Variants in MGMT observed in about 807,000 individuals in gnomAD.
MGMT encodes the protein O-6-methylguanine-DNA methyltransferase.
MGMT carries 14 observed loss-of-function variants against 15.9 expected under a neutral mutation model. The observed-to-expected ratio is 0.88, with a 90% CI of 0.58 to 1.37. MGMT has a LOEUF of 1.37. Among genes scored for constraint, MGMT ranks in the 40% most tolerant of loss-of-function variants. The pLI, the probability that MGMT is intolerant of heterozygous loss-of-function variation, is 0.00. For missense variants in MGMT, 282 were observed against 268.1 expected, an observed-to-expected ratio of 1.05 and a Z score of -0.36; for synonymous variants, 130 against 118.2, an observed-to-expected ratio of 1.10 and a Z score of -0.65.
rs1847570580 is a variant in MGMT, at chr10:129,659,413, A to T, written c.126-48482A>T. ...GCTGTCTCTGCCTGGGTTGTTTTCTAAATGCGTTTGGCTGGAGATAGAACA... is the reference window on the plus strand; with the variant it reads ...GCTGTCTCTGCCTGGGTTGTTTTCTTAATGCGTTTGGCTGGAGATAGAACA... On this transcript the variant is annotated intron_variant, in intron 2 of 4. Transcript: ENST00000651593. This position sits in a 1 kb window ranked among gnomAD's most constrained non-coding sequence, Gnocchi z 4.1. Among the ~76,000 whole-genome samples the T allele has an allele frequency of 1.3e-5, 2 of 151,794 alleles. No homozygotes were observed. Among genetic ancestry groups the T allele is most frequent in the African/African-American group, 4.9e-5 (2 of 41,160 alleles).
chr10:129,535,047 G>GTCCCCC lies in MGMT; in HGVS notation c.-12-1193_-12-1192insCCCCCT, dbSNP rs1305146901. On this transcript the variant is annotated intron_variant, in intron 1 of 4. Coordinates refer to ENST00000651593, the MANE Select transcript of MGMT (RefSeq NM_002412.5). ...TTATTTACAAAGACAGGTGCAGTGA[G>GTCCCCC]TGAGCTTTGCCCCACAGGCTCTAAT... 5.3e-5 allele frequency among the ~76,000 whole-genome samples: 8 copies of GTCCCCC among 152,212 alleles called. 1 individual carries two copies. Among genetic ancestry groups the GTCCCCC allele is most frequent in the African/African-American group, 1.9e-4 (8 of 41,458 alleles).
intron 1 of MGMT, among the ~76,000 whole-genome samples, chr10:129,469,856 G>T (rs544469726): frequency 6.6e-6 from 1 of 152,026 alleles, no homozygotes; most frequent in African/African-American, 2.4e-5. Context: ...ACAGGTGTGC[G>T]CCACCATACC....
chr10:129,550,097 G>A (rs75955221), intron 2 of MGMT, among the ~76,000 whole-genome samples: 5,004 of 152,272 alleles, frequency 0.033, 132 homozygotes, highest in South Asian at 0.064. Context: ...ACTGTTTCTT[G>A]TGATAAAAAT....
intron 2 of MGMT, among the ~76,000 whole-genome samples, chr10:129,629,953 A>G (rs139286256): frequency 1.3e-5 from 2 of 152,358 alleles, no homozygotes; most frequent in East Asian, 1.9e-4. Flanking sequence ...TTCACAGAGA[A>G]GGTAAATAGC....
In MGMT at chr10:129,664,099, A is replaced by G. The variant is rs1252100574; in HGVS notation, c.126-43796A>G. ...TAGATTCCGACACCTCATTAGTAGT[A>G]TAATATACCTCAACAAATATAACCT... On this transcript the variant is annotated intron_variant, in intron 2 of 4. Transcript: ENST00000651593. Among the ~76,000 whole-genome samples, 3 of 152,202 alleles carry G rather than the reference A, an allele frequency of 2.0e-5. No homozygotes were observed. In the East Asian group the frequency reaches 5.8e-4, roughly 29 times the overall value.
At chr10:129,726,191 TAGA>T (rs1164583386) in intron 3 of MGMT, among the ~76,000 whole-genome samples, 2 of 152,114 alleles carry the variant, frequency 1.3e-5, no homozygotes, top group African/African-American at 2.4e-5. Flanking sequence ...AACTCAACTT[TAGA>T]CAGTGACTGA....
At chr10:129,656,709 TGA>T (rs1847528069) in intron 2 of MGMT, among the ~76,000 whole-genome samples, 2 of 152,008 alleles carry the variant, frequency 1.3e-5, no homozygotes, top group South Asian at 4.2e-4. Context: ...CACAGGTAGG[TGA>T]GAGTCAAGTG....
chr10:129,770,560 T>A lies in MGMT; in HGVS notation c.*3563T>A, dbSNP rs1758745221. Among the ~76,000 whole-genome samples, 1 of 152,220 alleles carries A rather than the reference T, an allele frequency of 6.6e-6. No homozygotes were observed. Among genetic ancestry groups the A allele is most frequent in the African/African-American group, 2.4e-5 (1 of 41,458 alleles). On this transcript the variant is annotated 3_prime_UTR_variant, in exon 5 of 5. Transcript: ENST00000651593. ...CATGGGCGGTGGCGCCAGCTCGGAC[T>A]TCACCCCGTTGGAGCGGGCAGGATG...
At chr10:129,714,355 T>C (rs1466597306) in intron 3 of MGMT, among the ~76,000 whole-genome samples, 1 of 152,272 alleles carries the variant, frequency 6.6e-6, no homozygotes, top group African/African-American at 2.4e-5. Context: ...TACCTAGCAA[T>C]TGTCATGAGT....
chr10:129,590,922 G>A (rs866238356), intron 2 of MGMT, among the ~76,000 whole-genome samples: 3 of 152,224 alleles, frequency 2.0e-5, no homozygotes, highest in Non-Finnish European at 2.9e-5. Context: ...AATTACCTTC[G>A]CAAATCTGAA....
At chr10:129,727,248 A>G (rs1848444753) in intron 3 of MGMT, among the ~76,000 whole-genome samples, 1 of 152,192 alleles carries the variant, frequency 6.6e-6, no homozygotes, top group African/African-American at 2.4e-5. Flanking sequence ...AGGTCATAAG[A>G]GGCCTTGCAG....
At chr10:129,587,683 G>A (rs545331053) in intron 2 of MGMT, among the ~76,000 whole-genome samples, 15 of 151,064 alleles carry the variant, frequency 9.9e-5, no homozygotes, top group African/African-American at 7.3e-5. Context: ...TGATCCACCC[G>A]CCTCGGCTTC....
rs144505119 is a variant in MGMT at position 129,716,316 on chromosome 10, A to G, written c.274+8273A>G. Among the ~76,000 whole-genome samples, 18 of 152,304 alleles carry G rather than the reference A, an allele frequency of 1.2e-4. No homozygotes were observed. The East Asian group carries it at 2.9e-3, about 24-fold the overall frequency. ...AAATATATACAGTGTAGCTGTTACT[A>G]TGACAACGACTTTTTTTTCTTGAGT... is the stretch of plus-strand genomic sequence containing the variant. On this transcript the variant is annotated intron_variant, in intron 3 of 4. Coordinates refer to ENST00000651593, the MANE Select transcript of MGMT (RefSeq NM_002412.5).
At chr10:129,518,798 G>A (rs1198156957) in intron 1 of MGMT, among the ~76,000 whole-genome samples, 2 of 151,390 alleles carry the variant, frequency 1.3e-5, no homozygotes, top group African/African-American at 4.9e-5. Flanking sequence ...TAGGGTATTA[G>A]CAGTTAAGTT....
At chr10:129,756,621 C>A (rs572026627) in intron 3 of MGMT, among the ~76,000 whole-genome samples, 1 of 152,200 alleles carries the variant, frequency 6.6e-6, no homozygotes, top group African/African-American at 2.4e-5. Context: ...AGACGAGCAC[C>A]ACCACGCCTG....
intron 2 of MGMT, among the ~76,000 whole-genome samples, chr10:129,654,141 T>C (rs1406523021): frequency 1.3e-5 from 2 of 152,102 alleles, no homozygotes; most frequent in Non-Finnish European, 2.9e-5. Flanking sequence ...GCAGCTGGAG[T>C]AGCTGTGCTG....
At chr10:129,497,282 G>T (rs1845531431) in intron 1 of MGMT, among the ~76,000 whole-genome samples, 1 of 152,182 alleles carries the variant, frequency 6.6e-6, no homozygotes, top group African/African-American at 2.4e-5. Flanking sequence ...GGTTTTCACG[G>T]AGGGGCGGTG....
At chr10:129,765,024 C>T (rs1564788710) in intron 4 of MGMT, among the ~76,000 whole-genome samples, 1 of 152,214 alleles carries the variant, frequency 6.6e-6, no homozygotes, top group South Asian at 2.1e-4. Flanking sequence ...GAGCTTGGTG[C>T]CCTTCCCCAT....
intron 2 of MGMT, among the ~76,000 whole-genome samples, chr10:129,638,440 A>AAAAAAAAAAAAAAAAAAAAAAAAAAAAAC (rs1847288501): frequency 8.4e-6 from 1 of 119,256 alleles, no homozygotes; most frequent in Non-Finnish European, 1.8e-5. Context: ...AAAAAAAAAA[A>AAAAAAAAAAAAAAAAAAAAAAAAAAAAAC]AAAAAGAAAA....
Sources: gnomAD v4.1 joint callset for allele counts (sites outside exome capture counted in the v4.1 genomes callset) on GRCh38, gnomAD v4.1.1 for gene constraint, Gnocchi (gnomAD v3.1) non-coding constraint, MANE v1.5 for transcripts, NCBI Gene and HGNC (gene_info 2026-07-23, HGNC 2026-07-21) for gene names.